Variants in NAV3 observed in about 807,000 individuals in gnomAD.
NAV3 encodes pore membrane and/or filament interacting like protein 1.
A neutral mutation model predicts 244.7 loss-of-function variants in NAV3; 87 were observed. The observed-to-expected ratio is 0.36, with a 90% confidence interval of 0.30 to 0.42. NAV3 has a LOEUF of 0.42. NAV3 is among the 20% of genes least tolerant of loss of function. NAV3 has a pLI of 1.00. For synonymous variants in NAV3, 1,126 were observed against 1,042.2 expected, an observed-to-expected ratio of 1.08 and a Z score of -1.55; for missense variants, 2,663 against 2,893.3, an observed-to-expected ratio of 0.92 and a Z score of 1.83.
At position 78,137,264 on chromosome 12, in the gene NAV3, A is replaced by G; in HGVS notation, c.4529A>G (p.Asp1510Gly). 2 of 1,613,710 alleles carry G rather than the reference A, an allele frequency of 1.2e-6. No individual in the cohort carries two copies. Among genetic ancestry groups the G allele is most frequent in the Non-Finnish European group, 1.7e-6 (2 of 1,179,780 alleles). ...ATCCCAGCCCAAGACTCTTCCTTCGATCTCTATGATGACTCCCAGCTTTGT... is the reference window on the plus strand; with the variant it reads ...ATCCCAGCCCAAGACTCTTCCTTCGGTCTCTATGATGACTCCCAGCTTTGT... ...NSIPAQDSSF[D>G]LYDDSQLCGS... Residue 1510 changes from aspartate to glycine, a missense_variant, in exon 19 of 40, where the codon GAT (aspartate) becomes GGT (glycine). Asp to Gly is a moderately conservative substitution (Grantham distance 94). Around this residue, in one of 6 missense-constraint regions of NAV3, gnomAD observed 354 missense variants for 413.0 expected, o/e 0.86. Transcript: ENST00000397909.
At chr12:77,843,719 G>A (rs1243044028) in intron 1 of NAV3, among the ~76,000 whole-genome samples, 1 of 151,882 alleles carries the variant, frequency 6.6e-6, no homozygotes, top group Non-Finnish European at 1.5e-5. Context: ...GAACAGGTTT[G>A]CCGTCTCTAA....
intron 2 of NAV3, among the ~76,000 whole-genome samples, chr12:77,737,176 G>A (rs1477292448): frequency 6.7e-6 from 1 of 150,094 alleles, no homozygotes; most frequent in Non-Finnish European, 1.5e-5. Context: ...TGGTGTTCAG[G>A]TAGAACTATG....
chr12:77,697,032 T>C (rs1592593193), intron 2 of NAV3, among the ~76,000 whole-genome samples: 1 of 152,168 alleles, frequency 6.6e-6, no homozygotes, highest in African/African-American at 2.4e-5. Flanking sequence ...CACCTTATTA[T>C]AGAGCTGTGT....
chr12:77,598,424 G>A (rs1565730728), intron 2 of NAV3, among the ~76,000 whole-genome samples: 1 of 151,876 alleles, frequency 6.6e-6, no homozygotes, highest in Non-Finnish European at 1.5e-5. Context: ...TTCTATATAT[G>A]CTTAATTTTT....
At chr12:77,600,999 A>T (rs966313961) in intron 2 of NAV3, among the ~76,000 whole-genome samples, 1 of 151,978 alleles carries the variant, frequency 6.6e-6, no homozygotes, top group Non-Finnish European at 1.5e-5. Flanking sequence ...ATCTCTACTG[A>T]TCACTCAAAT....
At chr12:77,733,281 T>C (rs570877601) in intron 2 of NAV3, among the ~76,000 whole-genome samples, 3 of 151,968 alleles carry the variant, frequency 2.0e-5, no homozygotes, top group Non-Finnish European at 4.4e-5. Context: ...CGAGTATTTG[T>C]GGCTTGGATA....
chr12:78,118,760 A>G (rs983284599), intron 14 of NAV3, among the ~76,000 whole-genome samples: 28 of 152,214 alleles, frequency 1.8e-4, no homozygotes, highest in Non-Finnish European at 5.9e-5. Flanking sequence ...ATTAGACTTC[A>G]TGAAAGAAGA....
chr12:78,024,155 C>T (rs12301188), intron 9 of NAV3, among the ~76,000 whole-genome samples: 9,464 of 152,250 alleles, frequency 0.062, 930 homozygotes, highest in African/African-American at 0.21. Context: ...TTTTTCTTCT[C>T]TCCTTAGCTG....
At chr12:78,197,161 C>A in intron 34 of NAV3, 86 bp from the exon 35 acceptor site, 1 of 1,019,292 alleles carries the variant, frequency 9.8e-7, no homozygotes, top group Non-Finnish European at 1.3e-6. Flanking sequence ...GAATAGAGGA[C>A]AAAGAGTGCT....
At chr12:77,993,228 A>G (rs895065262) in intron 5 of NAV3, among the ~76,000 whole-genome samples, 1 of 152,168 alleles carries the variant, frequency 6.6e-6, no homozygotes, top group Non-Finnish European at 1.5e-5. Context: ...ATATTGTTTC[A>G]TTGTCATCTA....
intron 2 of NAV3, among the ~76,000 whole-genome samples, chr12:77,700,495 A>G (rs1018637898): frequency 2.0e-5 from 3 of 152,162 alleles, no homozygotes; most frequent in Non-Finnish European, 4.4e-5. Flanking sequence ...CTTTCTGTCT[A>G]GTCTTCATGA....
rs1343220804 is a variant in NAV3, at chr12:78,155,151, T to C, written c.4786-4052T>C. Among the ~76,000 whole-genome samples the C allele has an allele frequency of 2.0e-5, 3 of 152,040 alleles. No individual in the cohort carries two copies. The East Asian group carries it at 5.8e-4, about 29-fold the overall frequency. ...GATATTAAGCCCACCATCCATTAGC[T>C]ATTCTTCCTGATTCTCTCCCTCCCC... On this transcript the variant is annotated intron_variant, in intron 22 of 39. Transcript: ENST00000397909.
chr12:78,080,137 G>A (rs1347883304), intron 12 of NAV3, among the ~76,000 whole-genome samples: 1 of 152,096 alleles, frequency 6.6e-6, no homozygotes, highest in Non-Finnish European at 1.5e-5. Flanking sequence ...AAATAATTTG[G>A]GGACAGGGTA....
intron 2 of NAV3, among the ~76,000 whole-genome samples, chr12:77,813,101 G>C (rs1206156456): frequency 6.6e-6 from 1 of 152,172 alleles, no homozygotes; most frequent in African/African-American, 2.4e-5. Flanking sequence ...GAGATTACAG[G>C]TGTAAGCCAT....
chr12:78,190,653 T>C (rs569223181), intron 34 of NAV3, among the ~76,000 whole-genome samples: 11 of 152,182 alleles, frequency 7.2e-5, no homozygotes, highest in African/African-American at 2.6e-4. Context: ...GAATGGAGAT[T>C]TGGCAATAAT....
chr12:77,618,902 C>A (rs545805777), intron 2 of NAV3, among the ~76,000 whole-genome samples: 1 of 152,258 alleles, frequency 6.6e-6, no homozygotes, highest in East Asian at 1.9e-4. Flanking sequence ...CTTCTAATAT[C>A]CAAAGGGCTT....
intron 2 of NAV3, among the ~76,000 whole-genome samples, chr12:77,809,002 A>G (rs572650423): frequency 1.2e-3 from 186 of 152,264 alleles, no homozygotes; most frequent in African/African-American, 4.4e-3. Context: ...CTCAAGCCTC[A>G]GTAATGGCAG....
In NAV3 at chr12:77,760,222, A is replaced by C. The variant is rs181600237; in HGVS notation, c.73-180097A>C. Among the ~76,000 whole-genome samples, 7 of 152,328 alleles carry C rather than the reference A, an allele frequency of 4.6e-5. No individual in the cohort carries two copies. The East Asian group carries it at 1.2e-3, about 25-fold the overall frequency. On this transcript the variant is annotated intron_variant, in intron 2 of 8. Coordinates refer to the NAV3 transcript ENST00000550042. ...CTGAGTAGCCATGTAAAAACTTCCA[A>C]ATAATTTTTCAATTGTCAGGATTTT...
At chr12:77,904,726 A>G (rs1885772159) in intron 1 of NAV3, among the ~76,000 whole-genome samples, 1 of 152,214 alleles carries the variant, frequency 6.6e-6, no homozygotes, top group Non-Finnish European at 1.5e-5. Flanking sequence ...GAACAGAAGG[A>G]CACAGCAGTA....
Sources: allele counts gnomAD v4.1 joint callset (sites outside exome capture counted in the v4.1 genomes callset), GRCh38; gene constraint gnomAD v4.1.1; regional missense constraint gnomAD v4.1.1; transcripts MANE v1.5; gene names NCBI Gene and HGNC (gene_info 2026-07-23, HGNC 2026-07-21).